WDR48: variants seen among roughly 807,000 people sequenced by gnomAD.
The protein encoded by WDR48 is WD repeat domain 48.
WDR48 carries 22 observed loss-of-function variants against 94.0 expected under a neutral mutation model. The ratio of observed to expected loss-of-function variants is 0.23; its 90% CI spans 0.17 to 0.33. The LOEUF is 0.33. Among genes scored for constraint, WDR48 ranks in the 10% least tolerant of loss-of-function variants. WDR48 has a pLI of 1.00. For missense variants in WDR48, 541 were observed against 813.8 expected, an observed-to-expected ratio of 0.66 and a Z score of 4.08; for synonymous variants, 278 against 280.5, an observed-to-expected ratio of 0.99 and a Z score of 0.09.
Position 39,077,182 on chromosome 3 carries a change from T to G in WDR48, c.941T>G (p.Val314Gly), listed in dbSNP as rs373541075. The G allele has an allele frequency of 8.7e-6, 14 of 1,614,036 alleles. No individual in the cohort carries two copies. The African/African-American group carries it at 1.2e-4, about 14-fold the overall frequency. Residue 314 changes from valine to glycine, a missense_variant, in exon 9 of 19, where the codon GTT becomes GGT. Val to Gly is a moderately radical substitution (Grantham distance 109). This residue lies in a region of WDR48 where 238 missense variants were observed against 285.3 expected (regional missense o/e 0.83). Transcript: ENST00000302313. ...GCTGATCCTCCTCCTGCAATTTGGG[T>G]TGCAACAACTAAGTCTACAGTAAAT... ...RSADPPPAIW[V>G]ATTKSTVNKW...
At chr3:39,092,127 A>T (rs557573627) in intron 17 of WDR48, among the ~76,000 whole-genome samples, 2 of 152,226 alleles carry the variant, frequency 1.3e-5, no homozygotes, top group African/African-American at 4.8e-5. Flanking sequence ...AGCAAAGATC[A>T]TGCTACTGCA....
chr3:39,070,502 C>T (rs1309883603), intron 7 of WDR48, among the ~76,000 whole-genome samples: 1 of 152,070 alleles, frequency 6.6e-6, no homozygotes, highest in Non-Finnish European at 1.5e-5. Context: ...GAAGTTAAGA[C>T]TTTAGACATG....
chr3:39,086,010 T>C (rs1158821116), intron 14 of WDR48, among the ~76,000 whole-genome samples: 1 of 152,228 alleles, frequency 6.6e-6, no homozygotes, highest in Non-Finnish European at 1.5e-5. Flanking sequence ...TCACTCTTCA[T>C]GTTGGGCTGA....
chr3:39,093,830 T>C (rs561873248), intron 17 of WDR48, 44 bp from the exon 18 acceptor site: 17 of 1,456,146 alleles, frequency 1.2e-5, no homozygotes, highest in Non-Finnish European at 1.5e-5. Context: ...AAATAATATC[T>C]AGTGATTTCC....
chr3:39,078,564 G>A (rs1247364630), intron 10 of WDR48, among the ~76,000 whole-genome samples: 1 of 151,854 alleles, frequency 6.6e-6, no homozygotes, highest in Non-Finnish European at 1.5e-5. Context: ...AATTACAGGT[G>A]TGAGCTACCA....
rs2125623728 is a variant in WDR48, at chr3:39,052,086, G to A, written c.48+13G>A. ...GAGGAAAGTGCAGGTATGGAAGCCC[G>A]GTTCCTCGGTCTTCCGGACGCGGCC... On this transcript the variant is annotated intron_variant, in intron 1 of 18. Transcript: ENST00000302313. 1 of 1,613,268 alleles carries A rather than the reference G, an allele frequency of 6.2e-7. No homozygotes were observed.
At chr3:39,090,684 A>G (rs979457294) in intron 16 of WDR48, 1 of 152,148 alleles carries the variant, frequency 6.6e-6, no homozygotes, top group African/African-American at 2.4e-5. Context: ...CTGGGATGCT[A>G]TGTTTATCAT....
chr3:39,095,697 A>G lies in WDR48; in HGVS notation c.*954A>G, dbSNP rs1041059425. On this transcript the variant is annotated 3_prime_UTR_variant, in exon 19 of 19. Transcript: ENST00000302313. ...TTTGATATTCATATCCTGGAAGTAT[A>G]CATATTTGTTTTTCCAAAGTTTTAT... 2.0e-5 allele frequency: 3 copies of G among 152,450 alleles called. No individual in the cohort carries two copies. The highest frequency in any genetic ancestry group is 4.4e-5 in the Non-Finnish European group (3 of 68,052). The allele number at this position is 152,450 out of a possible 1,614,324, so 9.4% of individuals were successfully genotyped here.
rs758138129 is a variant in WDR48 at position 39,089,307 on chromosome 3, A to G, written c.1657A>G (p.Ile553Val). ...AACAGTGCCACAATGGGTAATTGAC[A>G]TCACTGTGGATGTAAGTATCCTCCA... ...NETVPQWVIDITVDKNMPKFN... is the reference protein window; with the variant it reads ...NETVPQWVIDVTVDKNMPKFN... The change falls in exon 16 of 19, where the codon ATC (isoleucine) becomes GTC (valine). Residue 553 changes from isoleucine (I) to valine (V), a missense_variant. Ile to Val is a conservative substitution (Grantham distance 29, BLOSUM62 3). Around this residue, in one of 5 missense-constraint regions of WDR48, gnomAD observed 109 missense variants for 195.5 expected, o/e 0.56. Transcript: ENST00000302313. 5.6e-6 allele frequency: 9 copies of G among 1,612,530 alleles called. No homozygotes were observed. The highest frequency in any genetic ancestry group is 1.3e-5 in the African/African-American group (1 of 74,896).
chr3:39,055,313 C>T (rs1430041747), intron 1 of WDR48, among the ~76,000 whole-genome samples: 2 of 152,118 alleles, frequency 1.3e-5, no homozygotes, highest in African/African-American at 2.4e-5. Flanking sequence ...ATGGCGAAAT[C>T]CCGTCTCTAC....
intron 10 of WDR48, among the ~76,000 whole-genome samples, chr3:39,079,017 G>A (rs1204389743): frequency 4.3e-5 from 6 of 138,406 alleles, no homozygotes; most frequent in African/African-American, 1.1e-4. Flanking sequence ...GCGACAGAGC[G>A]AGACTCCGTC....
intron 1 of WDR48, among the ~76,000 whole-genome samples, chr3:39,056,651 A>G (rs890408113): frequency 2.6e-5 from 4 of 152,232 alleles, no homozygotes; most frequent in Admixed American, 6.5e-5. Context: ...TGCTAGAGGA[A>G]CTTACAGCAA....
intron 4 of WDR48, 52 bp downstream of exon 4, chr3:39,066,682 C>G (rs1463599262): frequency 5.0e-6 from 8 of 1,612,934 alleles, no homozygotes; most frequent in Non-Finnish European, 6.8e-6. Flanking sequence ...GATCTCAGTA[C>G]TTTGTGTGGC....
chr3:39,059,976 A>C (rs1190050543), intron 1 of WDR48, among the ~76,000 whole-genome samples: 3 of 152,132 alleles, frequency 2.0e-5, no homozygotes, highest in African/African-American at 7.2e-5. Flanking sequence ...TTATTTTATA[A>C]GGAATCTTGT....
chr3:39,091,893 C>T (rs767119149), intron 17 of WDR48, among the ~76,000 whole-genome samples, 192 bp downstream of exon 17: 1 of 152,168 alleles, frequency 6.6e-6, no homozygotes, highest in African/African-American at 2.4e-5. Flanking sequence ...TAAATAAGGC[C>T]AGGTACAGTG....
At chr3:39,055,209 A>G (rs1393282903) in intron 1 of WDR48, among the ~76,000 whole-genome samples, 2 of 152,220 alleles carry the variant, frequency 1.3e-5, no homozygotes, top group Non-Finnish European at 2.9e-5. Flanking sequence ...AGTGGAGGCC[A>G]GGCGTGGTGG....
chr3:39,059,567 A>C (rs1559597085), intron 1 of WDR48, among the ~76,000 whole-genome samples: 2 of 152,212 alleles, frequency 1.3e-5, no homozygotes, highest in Non-Finnish European at 2.9e-5. Context: ...GGGCTCTGTT[A>C]AGATATCCTT....
At position 39,084,107 on chromosome 3, in the gene WDR48, T is replaced by C. The variant is rs1393874854; in HGVS notation, c.1174-48T>C. ...TTTGAATAGCAAAGTCAGAATCAAG[T>C]GAATTCACCACTTAATATTGATCAT... On this transcript the variant is annotated intron_variant, in intron 11 of 18. Transcript: ENST00000302313. 2.8e-6 allele frequency: 4 copies of C among 1,439,932 alleles called. No homozygotes were observed. The East Asian group carries it at 9.4e-5, about 34-fold the overall frequency. 89.2% of individuals were successfully genotyped at this position (1,439,932 alleles called of 1,614,324 possible).
At chr3:39,087,900 T>G in intron 14 of WDR48, 1 of 485,124 alleles carries the variant, frequency 2.1e-6, no homozygotes, top group South Asian at 2.5e-5. Context: ...TCTCTTTTAT[T>G]AAAATCCTCT....
Sources: gnomAD v4.1 joint callset for allele counts (sites outside exome capture counted in the v4.1 genomes callset) on GRCh38, gnomAD v4.1.1 for gene constraint, gnomAD v4.1.1 regional missense constraint, MANE v1.5 for transcripts, NCBI Gene and HGNC (gene_info 2026-07-23, HGNC 2026-07-21) for gene names.